MUC7: variants seen among roughly 807,000 people sequenced by gnomAD.
MUC7 encodes the protein mucin-7.
MUC7 carries 2 observed loss-of-function variants against 2.5 expected under a neutral mutation model. That is an observed-to-expected ratio of 0.81 (90% CI 0.33 to 2.55). The LOEUF (loss-of-function observed/expected upper bound fraction) is 2.55. Among genes scored for constraint, MUC7 ranks in the 30% most tolerant of loss-of-function variants. The probability of loss-of-function intolerance (pLI) is 0.11; values close to 1 mark genes in which losing one functional copy is unlikely to be tolerated. For missense variants in MUC7, 408 were observed against 455.6 expected, an observed-to-expected ratio of 0.90 and a Z score of 0.95; for synonymous variants, 133 against 173.4, an observed-to-expected ratio of 0.77 and a Z score of 1.83.
intron 1 of MUC7, among the ~76,000 whole-genome samples, chr4:70,462,595 G>A (rs1225266053): frequency 6.6e-6 from 1 of 152,178 alleles, no homozygotes; most frequent in African/African-American, 2.4e-5. Context: ...AGCAAATAAA[G>A]AAGGAAAGAA....
chr4:70,445,204 A>G (rs1250486348), intron 1 of MUC7, among the ~76,000 whole-genome samples: 1 of 152,172 alleles, frequency 6.6e-6, no homozygotes, highest in Non-Finnish European at 1.5e-5. Flanking sequence ...CTACCATTGT[A>G]TCAATGATCA....
chr4:70,475,198 G>A (rs1350967121), intron 2 of MUC7, among the ~76,000 whole-genome samples: 2 of 152,148 alleles, frequency 1.3e-5, no homozygotes, highest in East Asian at 1.9e-4. Flanking sequence ...AGAATTGCTC[G>A]AACCTGGGAG....
chr4:70,444,776 G>C (rs1054896239), intron 1 of MUC7, among the ~76,000 whole-genome samples: 1 of 152,142 alleles, frequency 6.6e-6, no homozygotes, highest in Admixed American at 6.5e-5. Context: ...TTTGGGCCAG[G>C]TGCGGTGGCT....
intron 2 of MUC7, among the ~76,000 whole-genome samples, chr4:70,478,001 C>A (rs1735055441): frequency 6.6e-6 from 1 of 152,150 alleles, no homozygotes; most frequent in Admixed American, 6.5e-5. Context: ...TCTCAGACTT[C>A]TCTAAATCCA....
At chr4:70,473,051 C>CA (rs970072846) in intron 1 of MUC7, among the ~76,000 whole-genome samples, 4 of 151,684 alleles carry the variant, frequency 2.6e-5, no homozygotes, top group East Asian at 1.9e-4. Context: ...AGTAGTTATT[C>CA]AAAAAAAATA....
intron 1 of MUC7, among the ~76,000 whole-genome samples, chr4:70,466,470 G>A (rs1422296415): frequency 6.6e-6 from 1 of 152,044 alleles, no homozygotes; most frequent in East Asian, 1.9e-4. Context: ...CTGGCAAATT[G>A]GATAAAGACT....
At chr4:70,449,644 G>T (rs1019656237) in intron 1 of MUC7, among the ~76,000 whole-genome samples, 3 of 152,144 alleles carry the variant, frequency 2.0e-5, no homozygotes, top group African/African-American at 7.2e-5. Context: ...GTGGTCTAAG[G>T]TGCATATGCT....
rs145866670 is a variant in MUC7 at position 70,481,817 on chromosome 4, G to C, written c.1073G>C (p.Arg358Pro). The change falls in exon 3 of 3, where the codon CGA becomes CCA. Residue 358 changes from arginine (R) to proline (P), a missense_variant. Arg to Pro is a moderately radical substitution (Grantham distance 103, BLOSUM62 -2). This residue lies in a region of MUC7 where 175 missense variants were observed against 187.1 expected (regional missense o/e 0.94). Transcript: ENST00000304887. ...GCTCCTGGCCAAAATAAAATTTCTC[G>C]ATTTCTTTTATATATGAAGAATCTA... ...TSAPGQNKIS[R>P]FLLYMKNLLN... The C allele has an allele frequency of 8.7e-6, 14 of 1,613,866 alleles. No individual in the cohort carries two copies. Among genetic ancestry groups the C allele is most frequent in the Admixed American group, 6.7e-5 (4 of 59,994 alleles).
upstream of MUC7, among the ~76,000 whole-genome samples, chr4:70,469,897 G>A (rs1385398414): frequency 6.6e-6 from 1 of 152,086 alleles, no homozygotes; most frequent in African/African-American, 2.4e-5. Context: ...ACCCAGCAAT[G>A]CCATTACCGG....
chr4:70,454,241 C>T (rs981935573), intron 1 of MUC7, among the ~76,000 whole-genome samples: 3 of 152,156 alleles, frequency 2.0e-5, no homozygotes, highest in Admixed American at 1.3e-4. Context: ...GCTTCTGTGG[C>T]CTAGGCTGCC....
intron 2 of MUC7, among the ~76,000 whole-genome samples, chr4:70,475,191 A>G (rs1249065883): frequency 6.6e-6 from 1 of 152,018 alleles, no homozygotes; most frequent in African/African-American, 2.4e-5. Context: ...AGACAGGAGA[A>G]TTGCTCGAAC....
chr4:70,480,327 G>T (rs1362883028), intron 2 of MUC7, among the ~76,000 whole-genome samples: 1 of 152,158 alleles, frequency 6.6e-6, no homozygotes, highest in Non-Finnish European at 1.5e-5. Context: ...GGGCTTTGTT[G>T]TTGTTTGGCT....
At chr4:70,479,845 G>A (rs762531263) in intron 2 of MUC7, among the ~76,000 whole-genome samples, 13 of 152,144 alleles carry the variant, frequency 8.5e-5, no homozygotes, top group Non-Finnish European at 1.9e-4. Context: ...ACCAAAGGAT[G>A]GAAATCTTCA....
chr4:70,446,917 A>G (rs936291291), intron 1 of MUC7, among the ~76,000 whole-genome samples: 2 of 152,222 alleles, frequency 1.3e-5, no homozygotes, highest in Non-Finnish European at 2.9e-5. Flanking sequence ...AGAACTGATT[A>G]TCTCTTATAT....
At chr4:70,471,766 G>A (rs1157634320), upstream of MUC7, among the ~76,000 whole-genome samples, 1 of 152,106 alleles carries the variant, frequency 6.6e-6, no homozygotes, top group Non-Finnish European at 1.5e-5. Context: ...TGGCACCACA[G>A]TATTTTTTTT....
At chr4:70,467,334 A>G (rs1734708090), upstream of MUC7, among the ~76,000 whole-genome samples, 2 of 152,196 alleles carry the variant, frequency 1.3e-5, no homozygotes, top group Non-Finnish European at 2.9e-5. Context: ...ACACCCTAAC[A>G]TCACAATTAA....
At chr4:70,444,626 C>G (rs1734085423) in intron 1 of MUC7, among the ~76,000 whole-genome samples, 1 of 152,184 alleles carries the variant, frequency 6.6e-6, no homozygotes, top group Non-Finnish European at 1.5e-5. Context: ...TTATCTTGAA[C>G]CTAAAACAAC....
At chr4:70,435,917 C>T (rs564123716) in intron 1 of MUC7, among the ~76,000 whole-genome samples, 46 of 152,296 alleles carry the variant, frequency 3.0e-4, no homozygotes, top group Non-Finnish European at 6.0e-4. Flanking sequence ...AATCTCTTCA[C>T]ATTTGCTTGT....
intron 1 of MUC7, among the ~76,000 whole-genome samples, chr4:70,456,667 C>CGGAATTGCTA (rs1734423325): frequency 6.6e-6 from 1 of 152,126 alleles, no homozygotes; most frequent in African/African-American, 2.4e-5. Context: ...AAACACCTTC[C>CGGAATTGCTA]ACAAGCTACC....
Sources: allele counts gnomAD v4.1 joint callset (sites outside exome capture counted in the v4.1 genomes callset), GRCh38; gene constraint gnomAD v4.1.1; regional missense constraint gnomAD v4.1.1; transcripts MANE v1.5; gene names NCBI Gene and HGNC (gene_info 2026-07-23, HGNC 2026-07-21).